Variants in NRXN3 observed in about 807,000 individuals in gnomAD.
NRXN3 encodes the protein neurexin 3.
A neutral mutation model predicts 137.6 loss-of-function variants in NRXN3; 32 were observed. That is an observed-to-expected ratio of 0.23 (90% confidence interval 0.18 to 0.31). The LOEUF (loss-of-function observed/expected upper bound fraction) is 0.31. NRXN3 is among the 10% of genes least tolerant of loss of function. The probability of loss-of-function intolerance (pLI) is 1.00; values close to 1 mark genes in which losing one functional copy is unlikely to be tolerated. For missense variants in NRXN3, 1,574 were observed against 2,062.5 expected (o/e 0.76, Z 4.59); for synonymous variants, 798 against 784.5 (o/e 1.02, Z -0.29).
At chr14:78,210,317 C>T (rs2062619513) in intron 1 of NRXN3, among the ~76,000 whole-genome samples, 1 of 152,132 alleles carries the variant, frequency 6.6e-6, no homozygotes, top group Admixed American at 6.5e-5. Flanking sequence ...CTGGCCTCTG[C>T]TGTAAGGGCA....
intron 19 of NRXN3, among the ~76,000 whole-genome samples, chr14:79,729,083 ATCAT>A (rs2098910764): frequency 6.6e-6 from 1 of 152,216 alleles, no homozygotes; most frequent in Non-Finnish European, 1.5e-5. Flanking sequence ...GTGTGCCACC[ATCAT>A]TATTATTATC....
intron 15 of NRXN3, among the ~76,000 whole-genome samples, chr14:79,314,498 G>C (rs1411373721): frequency 3.2e-5 from 1 of 31,724 alleles, no homozygotes; most frequent in East Asian, 7.1e-4. Flanking sequence ...AGGGGCGCCC[G>C]CCATTGCCCA....
chr14:79,255,354 G>A (rs1012945935), intron 15 of NRXN3, among the ~76,000 whole-genome samples: 2 of 152,190 alleles, frequency 1.3e-5, no homozygotes, highest in Non-Finnish European at 2.9e-5. Flanking sequence ...ATAGCTAATA[G>A]GTACTGATTG....
intron 1 of NRXN3, among the ~76,000 whole-genome samples, chr14:78,202,736 A>G (rs760603202): frequency 7.7e-4 from 117 of 152,216 alleles, no homozygotes; most frequent in Non-Finnish European, 1.3e-3. Flanking sequence ...AACTGTTAAG[A>G]GTCCCTGCCC....
At chr14:78,512,006 G>C (rs959167119) in intron 4 of NRXN3, among the ~76,000 whole-genome samples, 3 of 152,166 alleles carry the variant, frequency 2.0e-5, no homozygotes, top group African/African-American at 7.2e-5. Flanking sequence ...TGTATTAAAT[G>C]CACAATGCGT....
chr14:78,233,768 A>G (rs376373250), intron 1 of NRXN3, among the ~76,000 whole-genome samples: 1 of 151,078 alleles, frequency 6.6e-6, no homozygotes, highest in Admixed American at 6.6e-5. Flanking sequence ...GTGTTAGCCC[A>G]AACACCCTGA....
At chr14:78,943,506 G>A (rs747936271) in intron 10 of NRXN3, among the ~76,000 whole-genome samples, 11 of 149,780 alleles carry the variant, frequency 7.3e-5, no homozygotes, top group Non-Finnish European at 1.5e-4. Context: ...AGGGAAAGAG[G>A]CAGGGTTATG....
chr14:78,201,657 A>G (rs751362770), intron 1 of NRXN3, among the ~76,000 whole-genome samples: 3 of 152,168 alleles, frequency 2.0e-5, no homozygotes, highest in Admixed American at 6.5e-5. Flanking sequence ...ATCTGCTGCA[A>G]TTGACCTTTT....
At position 78,947,915 on chromosome 14, in the gene NRXN3, A is replaced by G. The variant is rs756433108; in HGVS notation, c.2276-9327A>G. Reference sequence around the variant, plus strand: ...TCAGAAAGACTGGATTCTTTATTTAATTTCACAATTCAATAGCTTGTGAGC... The same window carrying G: ...TCAGAAAGACTGGATTCTTTATTTAGTTTCACAATTCAATAGCTTGTGAGC... On this transcript the variant is annotated intron_variant, in intron 10 of 20. Transcript: ENST00000335750. 9.2e-5 allele frequency among the ~76,000 whole-genome samples: 14 copies of G among 152,194 alleles called. 1 individual carries two copies. The highest frequency in any genetic ancestry group is 1.6e-4 in the Non-Finnish European group (11 of 68,036).
chr14:78,317,324 T>G (rs1334653073), intron 4 of NRXN3, among the ~76,000 whole-genome samples: 6 of 151,976 alleles, frequency 3.9e-5, no homozygotes, highest in Admixed American at 3.3e-4. Flanking sequence ...AAGAGGTGAG[T>G]GGCAGGCGAG....
intron 15 of NRXN3, among the ~76,000 whole-genome samples, chr14:79,116,424 C>G (rs2054456444): frequency 1.3e-5 from 2 of 152,198 alleles, no homozygotes; most frequent in Admixed American, 1.3e-4. Flanking sequence ...ATTACTGCAG[C>G]ATTTTGTTCT....
chr14:78,660,652 CAAA>C (rs1382475832), intron 6 of NRXN3, among the ~76,000 whole-genome samples: 1 of 152,108 alleles, frequency 6.6e-6, no homozygotes, highest in African/African-American at 2.4e-5. Flanking sequence ...AAATCAGAGC[CAAA>C]AGATGGGAAG....
intron 10 of NRXN3, among the ~76,000 whole-genome samples, chr14:78,839,125 C>G (rs913924643): frequency 6.6e-6 from 1 of 152,076 alleles, no homozygotes; most frequent in African/African-American, 2.4e-5. Flanking sequence ...TTCATAAGAG[C>G]CATAAGGGGA....
intron 1 of NRXN3, among the ~76,000 whole-genome samples, chr14:78,209,076 G>A (rs1284791089): frequency 6.6e-6 from 1 of 152,144 alleles, no homozygotes; most frequent in Non-Finnish European, 1.5e-5. Flanking sequence ...GGTTGGTTTT[G>A]TTTTCTTGAA....
intron 15 of NRXN3, among the ~76,000 whole-genome samples, chr14:79,093,513 G>T (rs1443305569): frequency 1.3e-5 from 2 of 152,198 alleles, no homozygotes; most frequent in Admixed American, 6.6e-5. Context: ...GGATGCTGGG[G>T]TGAGTGATGT....
chr14:79,466,969 C>T (rs572276017), intron 15 of NRXN3, among the ~76,000 whole-genome samples: 2 of 152,266 alleles, frequency 1.3e-5, no homozygotes, highest in South Asian at 4.1e-4. Context: ...CGTTATGCAG[C>T]GGGAACTTAA....
intron 10 of NRXN3, among the ~76,000 whole-genome samples, chr14:78,827,560 A>C (rs1329018117): frequency 6.6e-6 from 1 of 152,230 alleles, no homozygotes; most frequent in Non-Finnish European, 1.5e-5. Flanking sequence ...TAATCAGTGA[A>C]AGTGAAACAC....
intron 1 of NRXN3, among the ~76,000 whole-genome samples, chr14:78,196,423 A>G (rs2061234549): frequency 6.6e-6 from 1 of 152,258 alleles, no homozygotes; most frequent in African/African-American, 2.4e-5. Flanking sequence ...GATGAAAAGT[A>G]TAATCTCCAA....
chr14:79,273,172 C>CAAAAAAATA (rs1555347815), intron 15 of NRXN3, among the ~76,000 whole-genome samples: 3 of 20,752 alleles, frequency 1.4e-4, no homozygotes, highest in African/African-American at 8.4e-4. Context: ...ACTCTGTGGC[C>CAAAAAAATA]AAAAAAAAAA....
Sources: allele counts gnomAD v4.1 joint callset (sites outside exome capture counted in the v4.1 genomes callset), GRCh38; gene constraint gnomAD v4.1.1; transcripts MANE v1.5; gene names NCBI Gene and HGNC (gene_info 2026-07-23, HGNC 2026-07-21).